The following PROCR variants were observed in gnomAD, a reference collection of about 807,000 sequenced individuals.
The protein encoded by PROCR is endothelial protein C receptor.
PROCR carries 22 observed loss-of-function variants against 24.2 expected under a neutral mutation model. The ratio of observed to expected loss-of-function variants is 0.91; its 90% CI spans 0.65 to 1.30. The LOEUF is 1.30. Ranked by LOEUF, PROCR falls within the 50% of genes most tolerant of loss-of-function variation. The pLI is 0.00. For synonymous variants in PROCR, 137 were observed against 139.2 expected (o/e 0.98, Z 0.11); for missense variants, 288 against 307.7 (o/e 0.94, Z 0.48).
intron 1 of PROCR, among the ~76,000 whole-genome samples, chr20:35,191,461 A>ATGTCAGAG (rs1402804766): frequency 6.7e-6 from 1 of 149,024 alleles, no homozygotes; most frequent in Non-Finnish European, 1.5e-5. Flanking sequence ...ACCCTAAACA[A>ATGTCAGAG]ATAATTTTTT....
Position 35,199,634 on chromosome 20 carries a change from A to C in PROCR, c.95-16259A>C, listed in dbSNP as rs183537510. 2.9e-4 allele frequency among the ~76,000 whole-genome samples: 44 copies of C among 152,120 alleles called. 1 individual carries two copies. Among genetic ancestry groups the C allele is most frequent in the Admixed American group, 2.6e-3 (39 of 15,266 alleles). Reference sequence around the variant, plus strand: ...CATGGTGGTGGGCGCCTGTAGTCCCAGCTACTTGGGAGGCTGAGCAGGAGA... The same window carrying C: ...CATGGTGGTGGGCGCCTGTAGTCCCCGCTACTTGGGAGGCTGAGCAGGAGA... On this transcript the variant is annotated intron_variant, in intron 1 of 1. Transcript: ENST00000634509.
Position 35,176,738 on chromosome 20 carries a change from C to A in PROCR, c.642C>A (p.Gly214=). Residue 214 remains glycine, a synonymous_variant, in exon 4 of 4, where the codon GGC becomes GGA. Transcript: ENST00000216968. ...TSRSYTSLVL[G]VLVGSFIIAG... ...GCTCCTACACTTCGCTGGTCCTGGG[C>A]GTCCTGGTGGGCAGTTTCATCATTG... The A allele has an allele frequency of 6.2e-7, 1 of 1,613,818 alleles. No individual in the cohort carries two copies. Among genetic ancestry groups the A allele is most frequent in the African/African-American group, 1.3e-5 (1 of 75,026 alleles).
chr20:35,176,078 C>T (rs1399070033), intron 2 of PROCR, 90 bp from the exon 3 acceptor site: 2 of 1,427,084 alleles, frequency 1.4e-6, no homozygotes, highest in Non-Finnish European at 2.0e-6. Flanking sequence ...CTGACTCTTG[C>T]CTTCTCATGT....
At chr20:35,185,886 T>A (rs6119581) in intron 1 of PROCR, among the ~76,000 whole-genome samples, 93,542 of 151,974 alleles carry the variant, frequency 0.62, 30,036 homozygotes, top group African/African-American at 0.8. Flanking sequence ...AATAAAATTT[T>A]AAAAAGAATG....
intron 1 of PROCR, among the ~76,000 whole-genome samples, chr20:35,183,757 TAGAC>T (rs751633775): frequency 7.2e-5 from 11 of 152,244 alleles, no homozygotes; most frequent in South Asian, 4.1e-4. Flanking sequence ...ATAGGAAAGA[TAGAC>T]AGAACAGATT....
intron 1 of PROCR, among the ~76,000 whole-genome samples, chr20:35,172,755 C>T (rs368546251): frequency 2.0e-5 from 3 of 152,036 alleles, no homozygotes; most frequent in South Asian, 2.1e-4. Context: ...AACTTATGGG[C>T]GATCAGGCTA....
At chr20:35,211,886 C>T (rs1222425613) in intron 1 of PROCR, among the ~76,000 whole-genome samples, 2 of 151,858 alleles carry the variant, frequency 1.3e-5, no homozygotes, top group Non-Finnish European at 2.9e-5. Context: ...TGTGGTGGCT[C>T]ACAACTGTAA....
Position 35,176,161 on chromosome 20 carries a change from T to A in PROCR, c.323-7T>A. On this transcript the variant is annotated splice_polypyrimidine_tract_variant and splice_region_variant and intron_variant, in intron 2 of 3. Coordinates refer to ENST00000216968, the MANE Select transcript of PROCR (RefSeq NM_006404.5). ...ACAGTCCCCTGACCCTGACTGTCTA[T>A]CCACAGTTCCTCTGACCATCCGCTG... The A allele has an allele frequency of 6.2e-7, 1 of 1,613,622 alleles. No individual in the cohort carries two copies. Among genetic ancestry groups the A allele is most frequent in the Non-Finnish European group, 8.5e-7 (1 of 1,179,594 alleles).
intron 1 of PROCR, among the ~76,000 whole-genome samples, chr20:35,196,377 C>A (rs2086217197): frequency 1.3e-5 from 2 of 151,912 alleles, no homozygotes; most frequent in South Asian, 4.1e-4. Context: ...AATTGTAAAG[C>A]TCAGTGAACC....
chr20:35,172,014 TCTC>T (rs1351533925), upstream of PROCR: 2 of 758,512 alleles, frequency 2.6e-6, no homozygotes, highest in Non-Finnish European at 4.7e-6. Context: ...CCTCCTCCCA[TCTC>T]CTGGCCTCCT....
downstream of PROCR, among the ~76,000 whole-genome samples, chr20:35,181,169 G>T (rs2086075023): frequency 6.6e-6 from 1 of 151,076 alleles, no homozygotes; most frequent in Non-Finnish European, 1.5e-5. Flanking sequence ...CGCCTGGACT[G>T]TTTTTTAAAT....
At chr20:35,203,626 G>GA (rs2060327299) in intron 1 of PROCR, among the ~76,000 whole-genome samples, 4 of 144,260 alleles carry the variant, frequency 2.8e-5, no homozygotes, top group African/African-American at 5.3e-5. Flanking sequence ...CAAAAAAAAA[G>GA]AAAAAAAAGA....
In PROCR at chr20:35,174,720, T is replaced by G; in HGVS notation, c.89T>G (p.Met30Arg). The change falls in exon 2 of 4, where the codon ATG (methionine) becomes AGG (arginine). Residue 30 changes from methionine to arginine, a missense_variant. Coordinates refer to ENST00000216968, the MANE Select transcript of PROCR (RefSeq NM_006404.5). ...DASDGLQRLH[M>R]LQISYFRDPY... Reference sequence around the variant, plus strand: ...CCCGCAGGCCTCCAAAGACTTCATATGCTCCAGATCTCCTACTTCCGCGAC... The same window carrying G: ...CCCGCAGGCCTCCAAAGACTTCATAGGCTCCAGATCTCCTACTTCCGCGAC... 3 of 1,614,082 alleles carry G rather than the reference T, an allele frequency of 1.9e-6. No individual in the cohort carries two copies. Among genetic ancestry groups the G allele is most frequent in the Non-Finnish European group, 2.5e-6 (3 of 1,180,012 alleles).
At chr20:35,198,120 TAAA>T (rs71198705) in intron 1 of PROCR, among the ~76,000 whole-genome samples, 18 of 147,582 alleles carry the variant, frequency 1.2e-4, no homozygotes, top group Non-Finnish European at 1.3e-4. Flanking sequence ...CCATCTCTAC[TAAA>T]AAAAAAAAAA....
At chr20:35,171,310 T>C (rs182648172), upstream of PROCR, among the ~76,000 whole-genome samples, 1 of 152,298 alleles carries the variant, frequency 6.6e-6, no homozygotes, top group East Asian at 1.9e-4. Flanking sequence ...TGAGCAAATA[T>C]TTCATGACAT....
rs2085956536 is a variant in PROCR at position 35,172,110 on chromosome 20, A to T, written c.-45A>T. 6.3e-7 allele frequency: 1 copy of T among 1,597,374 alleles called. No homozygotes were observed. The highest frequency in any genetic ancestry group is 8.6e-7 in the Non-Finnish European group (1 of 1,165,028). On this transcript the variant is annotated 5_prime_UTR_variant, in exon 1 of 4. Coordinates refer to ENST00000216968, the MANE Select transcript of PROCR (RefSeq NM_006404.5). ...CTAGACTGCAGCCAGCGGAGCCCGC[A>T]GCCGGCCCGAGCCAGGAACCCAGGT...
At chr20:35,175,024 G>A in intron 2 of PROCR, 71 bp downstream of exon 2, 1 of 1,099,042 alleles carries the variant, frequency 9.1e-7, no homozygotes, top group East Asian at 2.8e-5. Context: ...GGTGGGGGCG[G>A]GGCCTGGCGG....
intron 1 of PROCR, among the ~76,000 whole-genome samples, chr20:35,197,958 T>C (rs1162892717): frequency 6.6e-6 from 1 of 151,926 alleles, no homozygotes; most frequent in East Asian, 1.9e-4. Context: ...ACCAAATGGT[T>C]AGCCGAGTTG....
At chr20:35,181,603 T>C (rs981708244), downstream of PROCR, among the ~76,000 whole-genome samples, 7 of 152,188 alleles carry the variant, frequency 4.6e-5, no homozygotes, top group African/African-American at 1.7e-4. Flanking sequence ...CATTTCTCTT[T>C]AGCCACTGTG....
Sources: gnomAD v4.1 joint callset for allele counts (sites outside exome capture counted in the v4.1 genomes callset) on GRCh38, gnomAD v4.1.1 for gene constraint, MANE v1.5 for transcripts, NCBI Gene and HGNC (gene_info 2026-07-23, HGNC 2026-07-21) for gene names.